The following QTMAN variants were observed in gnomAD, a reference collection of about 807,000 sequenced individuals.
The protein encoded by QTMAN is tRNA-queuosine alpha-mannosyltransferase.
chr2:144,226,000 G>A, the QTMAN span, among the ~76,000 whole-genome samples: 13 of 152,108 alleles, frequency 8.5e-5, no homozygotes, highest in African/African-American at 3.1e-4. Context: ...TCATCAATAG[G>A]CTATAATTAG....
the QTMAN span, among the ~76,000 whole-genome samples, chr2:144,311,302 T>C: frequency 2.0e-5 from 3 of 152,230 alleles, no homozygotes; most frequent in Non-Finnish European, 4.4e-5. Context: ...AAAATCATCA[T>C]CTTCTCTACA....
chr2:144,041,234 TAAC>T, the QTMAN span, among the ~76,000 whole-genome samples: 2 of 152,210 alleles, frequency 1.3e-5, no homozygotes, highest in Non-Finnish European at 2.9e-5. Context: ...CCAAGCTGAA[TAAC>T]AACATCTTGG....
chr2:144,203,190 T>TGCGC, the QTMAN span, among the ~76,000 whole-genome samples: 1 of 140,862 alleles, frequency 7.1e-6, no homozygotes, highest in Non-Finnish European at 1.6e-5. Flanking sequence ...TGTGTGTGTG[T>TGCGC]GCACGTGCGC....
chr2:144,037,588 A>C, the QTMAN span, among the ~76,000 whole-genome samples: 1 of 152,198 alleles, frequency 6.6e-6, no homozygotes, highest in Non-Finnish European at 1.5e-5. Context: ...TAACCTGAGA[A>C]CGCTCTGTTC....
At chr2:143,969,432 C>T in the QTMAN span, among the ~76,000 whole-genome samples, 4 of 152,186 alleles carry the variant, frequency 2.6e-5, no homozygotes, top group Non-Finnish European at 4.4e-5. Context: ...ATTCACTGAG[C>T]TCCATCATTG....
At chr2:144,028,488 GTC>G in the QTMAN span, among the ~76,000 whole-genome samples, 1 of 152,106 alleles carries the variant, frequency 6.6e-6, no homozygotes, top group Non-Finnish European at 1.5e-5. Flanking sequence ...TCACATTAAA[GTC>G]CCAAAGAACA....
chr2:144,304,793 A>T, the QTMAN span, among the ~76,000 whole-genome samples: 1 of 152,226 alleles, frequency 6.6e-6, no homozygotes, highest in Non-Finnish European at 1.5e-5. Flanking sequence ...TCCAGAGGTA[A>T]ATATAAACTT....
chr2:143,970,493 A>AT, the QTMAN span, among the ~76,000 whole-genome samples: 4,807 of 152,232 alleles, frequency 0.032, 254 homozygotes, highest in African/African-American at 0.11. Context: ...TTACTTAAGT[A>AT]TTTTTTTAAT....
the QTMAN span, among the ~76,000 whole-genome samples, chr2:144,261,764 A>G: frequency 6.6e-6 from 1 of 152,262 alleles, no homozygotes; most frequent in Non-Finnish European, 1.5e-5. Flanking sequence ...TAAACTTTAT[A>G]TAAGTTATGA....
the QTMAN span, among the ~76,000 whole-genome samples, chr2:144,245,282 T>C: frequency 6.6e-6 from 1 of 152,230 alleles, no homozygotes; most frequent in African/African-American, 2.4e-5. Context: ...TAAGTATAAA[T>C]ACATAGCCTG....
At chr2:144,258,265 GA>G in the QTMAN span, among the ~76,000 whole-genome samples, 1 of 148,518 alleles carries the variant, frequency 6.7e-6, no homozygotes, top group African/African-American at 2.5e-5. Context: ...AATGAAAGAG[GA>G]AAAAAAAGGA....
the QTMAN span, among the ~76,000 whole-genome samples, chr2:144,039,248 T>C: frequency 6.6e-6 from 1 of 152,186 alleles, no homozygotes; most frequent in Non-Finnish European, 1.5e-5. Context: ...TTTGTGAATA[T>C]TCATTCACAG....
the QTMAN span, among the ~76,000 whole-genome samples, chr2:144,161,828 T>C: frequency 6.6e-6 from 1 of 152,234 alleles, no homozygotes; most frequent in Non-Finnish European, 1.5e-5. Context: ...GAGTAAGTTA[T>C]GAAAATTCAT....
chr2:144,224,312 T>C, the QTMAN span, among the ~76,000 whole-genome samples: 5 of 152,240 alleles, frequency 3.3e-5, no homozygotes, highest in African/African-American at 1.2e-4. Context: ...TGTACGTGAA[T>C]GTTTTGTATC....
At chr2:144,303,590 G>T in the QTMAN span, among the ~76,000 whole-genome samples, 2 of 152,152 alleles carry the variant, frequency 1.3e-5, no homozygotes, top group African/African-American at 4.8e-5. Flanking sequence ...AATTTTTTGT[G>T]ATGAGATATG....
chr2:144,051,389 A>C, the QTMAN span, among the ~76,000 whole-genome samples: 1 of 151,988 alleles, frequency 6.6e-6, no homozygotes, highest in Non-Finnish European at 1.5e-5. Context: ...TTTTTAAATA[A>C]GCCAGGTATG....
chr2:144,065,451 A>C, the QTMAN span, among the ~76,000 whole-genome samples: 1 of 152,156 alleles, frequency 6.6e-6, no homozygotes, highest in Non-Finnish European at 1.5e-5. Flanking sequence ...CTGCAGATAC[A>C]TGTAGGAGAT....
chr2:144,069,143 T>C, the QTMAN span, among the ~76,000 whole-genome samples: 4 of 152,112 alleles, frequency 2.6e-5, no homozygotes, highest in Non-Finnish European at 5.9e-5. Flanking sequence ...TTCTTTCCTC[T>C]TTCTTTTCTC....
At chr2:144,107,316 G>A in the QTMAN span, among the ~76,000 whole-genome samples, 1 of 152,090 alleles carries the variant, frequency 6.6e-6, no homozygotes, top group Non-Finnish European at 1.5e-5. Flanking sequence ...ATGAATGCAG[G>A]AGATGGTTTT....
Sources: allele counts gnomAD v4.1 joint callset (sites outside exome capture counted in the v4.1 genomes callset), GRCh38; gene constraint gnomAD v4.1.1; transcripts MANE v1.5; gene names NCBI Gene and HGNC (gene_info 2026-07-23, HGNC 2026-07-21).